Variants in ZBTB40 observed in about 807,000 individuals in gnomAD.
ZBTB40 encodes zinc finger and BTB domain containing 40.
In ZBTB40, 60 loss-of-function variants were observed where a neutral mutation model predicts 117.5. The ratio of observed to expected loss-of-function variants is 0.51; its 90% confidence interval spans 0.41 to 0.63. The LOEUF is 0.63. Among genes scored for constraint, ZBTB40 ranks in the 30% least tolerant of loss-of-function variants. The pLI is 0.00. For missense variants in ZBTB40, 1,287 were observed against 1,498.5 expected, an observed-to-expected ratio of 0.86 and a Z score of 2.33; for synonymous variants, 525 against 577.1, an observed-to-expected ratio of 0.91 and a Z score of 1.29.
chr1:22,501,023 G>C (rs577474938), intron 3 of ZBTB40, among the ~76,000 whole-genome samples: 9 of 152,276 alleles, frequency 5.9e-5, no homozygotes, highest in Non-Finnish European at 8.8e-5. Flanking sequence ...ATTCAGAAAG[G>C]TATAATTAGG....
Position 22,524,456 on chromosome 1 carries a change from G to T in ZBTB40, c.3525+12G>T. The T allele has an allele frequency of 6.2e-7, 1 of 1,611,700 alleles. No individual in the cohort carries two copies. Reference sequence around the variant, plus strand: ...CACAGATGGCGCAGGTGATTCTGGGGCCATCAGCTACATTAGAATGCTAAT... The same window carrying T: ...CACAGATGGCGCAGGTGATTCTGGGTCCATCAGCTACATTAGAATGCTAAT... On this transcript the variant is annotated intron_variant, in intron 17 of 17. Coordinates refer to ENST00000375647, the MANE Select transcript of ZBTB40 (RefSeq NM_014870.4).
At chr1:22,442,253 A>T (rs1640742135) in intron 1 of ZBTB40, among the ~76,000 whole-genome samples, 1 of 152,162 alleles carries the variant, frequency 6.6e-6, no homozygotes, top group South Asian at 2.1e-4. Flanking sequence ...TGGTGTGTAG[A>T]CTGTTCTGTA....
chr1:22,463,429 C>T (rs541904074), intron 1 of ZBTB40, among the ~76,000 whole-genome samples: 2 of 152,260 alleles, frequency 1.3e-5, no homozygotes, highest in Admixed American at 6.5e-5. Context: ...AGTTATCGTC[C>T]GTGTTTTCAG....
chr1:22,506,049 G>A lies in ZBTB40; in HGVS notation c.1168G>A (p.Val390Met). 6.2e-7 allele frequency: 1 copy of A among 1,614,172 alleles called. No homozygotes were observed. Among genetic ancestry groups the A allele is most frequent in the Non-Finnish European group, 8.5e-7 (1 of 1,180,010 alleles). The part of the protein sequence containing the change: ...EEFLTGTEKR[V>M]ILNCCEGRTP... The stretch of plus-strand genomic sequence containing the variant: ...TCTGGTTGATTGCTTGCCACTGCAG[G>A]TGATTCTGAATTGCTGTGAGGGCAG... The change falls in exon 6 of 18, where the codon GTG (valine) becomes ATG (methionine). Residue 390 changes from valine to methionine, a missense_variant and splice_region_variant. Val to Met is a conservative substitution (Grantham distance 21). This residue lies in a region of ZBTB40 where 870 missense variants were observed against 934.4 expected (regional missense o/e 0.93). Coordinates refer to ENST00000375647, the MANE Select transcript of ZBTB40 (RefSeq NM_014870.4).
At chr1:22,518,185 A>G (rs1639426176) in intron 13 of ZBTB40, among the ~76,000 whole-genome samples, 1 of 152,186 alleles carries the variant, frequency 6.6e-6, no homozygotes, top group Non-Finnish European at 1.5e-5. Flanking sequence ...TGTAATCAGC[A>G]CAGCACAGCA....
chr1:22,526,564 G>A lies in ZBTB40; in HGVS notation c.*168G>A. On this transcript the variant is annotated 3_prime_UTR_variant, in exon 18 of 18. Coordinates refer to ENST00000375647, the MANE Select transcript of ZBTB40 (RefSeq NM_014870.4). ...AGATGGAAGCTTCGTTGTTCTCATA[G>A]AACCAACAGCATCTGAGCCCTCAAC... 1 of 856,556 alleles carries A rather than the reference G, an allele frequency of 1.2e-6. No individual in the cohort carries two copies. 53.1% of individuals were successfully genotyped at this position (856,556 alleles called of 1,614,324 possible).
intron 1 of ZBTB40, among the ~76,000 whole-genome samples, chr1:22,488,413 G>A (rs1638533082): frequency 6.6e-6 from 1 of 152,142 alleles, no homozygotes; most frequent in Admixed American, 6.5e-5. Flanking sequence ...GAGGTTGCTT[G>A]TTGAAAAAAC....
At chr1:22,452,424 T>G (rs2124376870) in intron 1 of ZBTB40, among the ~76,000 whole-genome samples, 1 of 152,374 alleles carries the variant, frequency 6.6e-6, no homozygotes, top group East Asian at 1.9e-4. Context: ...CCTCTCGGTC[T>G]TTGTTTACAG....
upstream of ZBTB40, among the ~76,000 whole-genome samples, chr1:22,448,624 G>A (rs10218680): frequency 6.6e-6 from 1 of 151,852 alleles, no homozygotes. Context: ...AATTATTTAC[G>A]CCCTCTAAGT....
intron 1 of ZBTB40, among the ~76,000 whole-genome samples, chr1:22,452,205 T>A (rs956134074): frequency 7.9e-5 from 12 of 152,114 alleles, no homozygotes; most frequent in Non-Finnish European, 1.3e-4. Context: ...GGCTCTGCTG[T>A]AGACTGCGGA....
At chr1:22,469,661 A>G (rs779278444) in intron 1 of ZBTB40, among the ~76,000 whole-genome samples, 6 of 151,776 alleles carry the variant, frequency 4.0e-5, no homozygotes, top group Admixed American at 2.6e-4. Flanking sequence ...GCTTCAGGCA[A>G]TTTTCCTGCC....
chr1:22,485,324 A>G (rs369500159), intron 1 of ZBTB40, among the ~76,000 whole-genome samples: 12 of 152,300 alleles, frequency 7.9e-5, no homozygotes, highest in African/African-American at 2.6e-4. Context: ...ACTTTAATAG[A>G]TATAGGCCTA....
In ZBTB40 at chr1:22,508,043, G is replaced by A. The variant is rs780952191; in HGVS notation, c.1403G>A (p.Arg468His). 102 of 1,613,902 alleles carry A rather than the reference G, an allele frequency of 6.3e-5. No homozygotes were observed. The highest frequency in any genetic ancestry group is 1.0e-4 in the Admixed American group (6 of 59,976). The change falls in exon 7 of 18, where the codon CGC (arginine) becomes CAC (histidine). Residue 468 changes from arginine to histidine, a missense_variant. Arg to His is a conservative substitution (Grantham distance 29). This residue lies in a region of ZBTB40 where 870 missense variants were observed against 934.4 expected (regional missense o/e 0.93). Coordinates refer to ENST00000375647, the MANE Select transcript of ZBTB40 (RefSeq NM_014870.4). ...PDDYGTELLR[R>H]YHENLSEIFT... Reference sequence around the variant, plus strand: ...GATTATGGGACTGAGCTATTGAGACGCTATCATGAAAACCTCTCTGAGATT... The same window carrying A: ...GATTATGGGACTGAGCTATTGAGACACTATCATGAAAACCTCTCTGAGATT...
intron 13 of ZBTB40, 125 bp downstream of exon 13, chr1:22,517,589 C>G (rs901831487): frequency 8.4e-7 from 1 of 1,190,546 alleles, no homozygotes; most frequent in African/African-American, 1.5e-5. Context: ...CTTACCTGTT[C>G]CGCTGCAAAA....
At chr1:22,514,909 G>A (rs570934504) in intron 12 of ZBTB40, among the ~76,000 whole-genome samples, 5 of 152,108 alleles carry the variant, frequency 3.3e-5, no homozygotes, top group Non-Finnish European at 7.4e-5. Flanking sequence ...TTCAGACATG[G>A]GGTATTATAA....
In ZBTB40 at chr1:22,500,444, C is replaced by A. The variant is rs142290036; in HGVS notation, c.832-1048C>A. On this transcript the variant is annotated intron_variant, in intron 3 of 17. Coordinates refer to ENST00000375647, the MANE Select transcript of ZBTB40 (RefSeq NM_014870.4). ...ATAGTTAAAGCTATACATGTGAGAG[C>A]TTTTCAAAAGGGAGCATATAAAAGG... Among the ~76,000 whole-genome samples the A allele has an allele frequency of 3.3e-5, 5 of 152,124 alleles. No homozygotes were observed. In the East Asian group the frequency reaches 9.7e-4, roughly 29 times the overall value.
In ZBTB40 at chr1:22,525,412, C is replaced by T. The variant is rs1321679287; in HGVS notation, c.3526-790C>T. On this transcript the variant is annotated intron_variant, in intron 17 of 17. Coordinates refer to ENST00000375647, the MANE Select transcript of ZBTB40 (RefSeq NM_014870.4). ...GGCTTGGCTTCCTCACTTGTTCCTG[C>T]TCTCTGCTCTTCACTGATTCTCAAG... 2.0e-5 allele frequency among the ~76,000 whole-genome samples: 3 copies of T among 152,346 alleles called. No homozygotes were observed. The East Asian group carries it at 5.8e-4, about 29-fold the overall frequency.
chr1:22,519,295 CTAGTT>C (rs1289303265), intron 13 of ZBTB40, among the ~76,000 whole-genome samples: 4 of 152,200 alleles, frequency 2.6e-5, no homozygotes, highest in African/African-American at 9.7e-5. Context: ...TTCATCACTA[CTAGTT>C]TTATTGTGGG....
rs1638955905 is a variant in ZBTB40, at chr1:22,502,277, TCTCTAA to T, written c.1025-17_1025-12del. On this transcript the variant is annotated splice_polypyrimidine_tract_variant and intron_variant, in intron 4 of 17. Coordinates refer to ENST00000375647, the MANE Select transcript of ZBTB40 (RefSeq NM_014870.4). Reference sequence around the variant, plus strand: ...CAAATTGACTAGCTTCTCTTGTGTGTCTCTAACTCTTTCTCCCCCAGGGAGCACAGA... The same window carrying T: ...CAAATTGACTAGCTTCTCTTGTGTGTCTCTTTCTCCCCCAGGGAGCACAGA... 6.2e-7 allele frequency: 1 copy of T among 1,610,474 alleles called. No individual in the cohort carries two copies. The highest frequency in any genetic ancestry group is 1.3e-5 in the African/African-American group (1 of 74,846).
Sources: gnomAD v4.1 joint callset for allele counts (sites outside exome capture counted in the v4.1 genomes callset) on GRCh38, gnomAD v4.1.1 for gene constraint, gnomAD v4.1.1 regional missense constraint, MANE v1.5 for transcripts, NCBI Gene and HGNC (gene_info 2026-07-23, HGNC 2026-07-21) for gene names.